TTC23L: variants seen among roughly 807,000 people sequenced by gnomAD.
TTC23L encodes tetratricopeptide repeat domain 23 like, also known as tetratricopeptide repeat protein 23-like.
A neutral mutation model predicts 48.1 loss-of-function variants in TTC23L; 42 were observed. The observed-to-expected ratio is 0.87, with a 90% CI of 0.68 to 1.13. The LOEUF (loss-of-function observed/expected upper bound fraction) is 1.13. Among genes scored for constraint, TTC23L ranks in the 50% most tolerant of loss-of-function variants. The pLI is 0.00. For synonymous variants in TTC23L, 159 were observed against 157.2 expected, an observed-to-expected ratio of 1.01 and a Z score of -0.09; for missense variants, 391 against 421.0, an observed-to-expected ratio of 0.93 and a Z score of 0.62.
the TTC23L span, chr5:34,922,021 T>G: frequency 9.2e-6 from 3 of 324,772 alleles, no homozygotes; most frequent in African/African-American, 6.5e-5. Flanking sequence ...GGGCAGAGCA[T>G]CTAGTTTACC....
downstream of TTC23L, among the ~76,000 whole-genome samples, chr5:34,900,354 GC>G (rs1763474820): frequency 1.3e-5 from 2 of 152,030 alleles, no homozygotes; most frequent in South Asian, 4.2e-4. Context: ...ATGATAAGGG[GC>G]CAAGTGTGGT....
the TTC23L span, chr5:34,918,679 T>C: frequency 6.6e-6 from 3 of 452,118 alleles, no homozygotes; most frequent in East Asian, 1.1e-4. Context: ...CTTTACTTTT[T>C]AAAACAGGTG....
intron 2 of TTC23L, among the ~76,000 whole-genome samples, chr5:34,844,517 A>G (rs1758956380): frequency 6.7e-6 from 1 of 149,436 alleles, no homozygotes; most frequent in African/African-American, 2.5e-5. Context: ...TTTTTATTTA[A>G]ACATTGAACA....
the TTC23L span, chr5:34,914,401 A>G: frequency 2.6e-6 from 1 of 379,214 alleles, no homozygotes; most frequent in Non-Finnish European, 4.8e-6. Context: ...AAGTTAAACA[A>G]TAAGAAGACT....
At chr5:34,895,670 G>A (rs954052319) in intron 9 of TTC23L, among the ~76,000 whole-genome samples, 5 of 152,156 alleles carry the variant, frequency 3.3e-5, no homozygotes, top group African/African-American at 1.2e-4. Context: ...TTGGTCATAT[G>A]AACAAAATGG....
chr5:34,867,193 G>C (rs1761122860), intron 7 of TTC23L, 124 bp downstream of exon 7: 6 of 1,057,356 alleles, frequency 5.7e-6, no homozygotes, highest in Non-Finnish European at 7.0e-6. Context: ...TTTTAACCCT[G>C]ACTTTCCTCC....
At chr5:34,897,638 T>A (rs187716318) in intron 10 of TTC23L, among the ~76,000 whole-genome samples, 42 of 152,292 alleles carry the variant, frequency 2.8e-4, no homozygotes, top group Non-Finnish European at 7.4e-5. Context: ...ATCAGTTTTT[T>A]AGAAACCATT....
chr5:34,919,874 G>A, the TTC23L span: 5 of 1,186,044 alleles, frequency 4.2e-6, no homozygotes, highest in Admixed American at 8.4e-5. Context: ...AGCTATTTGT[G>A]ATTAACGAGG....
chr5:34,863,620 T>G lies in TTC23L; in HGVS notation c.536+566T>G, dbSNP rs1760837355. On this transcript the variant is annotated intron_variant, in intron 5 of 10. Transcript: ENST00000505624. This position sits in a 1 kb window ranked among gnomAD's most constrained non-coding sequence, Gnocchi z 4.1. Reference sequence around the variant, plus strand: ...TTAACTGATTCTCGATCATTTTAGTTTTTTGAAATGCTCTTGTGGATACTG... The same window carrying G: ...TTAACTGATTCTCGATCATTTTAGTGTTTTGAAATGCTCTTGTGGATACTG... Among the ~76,000 whole-genome samples the G allele has an allele frequency of 6.6e-6, 1 of 152,200 alleles. No individual in the cohort carries two copies.
exon 7 of TTC23L, chr5:34,867,046 C>G: frequency 6.2e-7 from 1 of 1,611,310 alleles, no homozygotes; most frequent in Non-Finnish European, 8.5e-7. Flanking sequence ...GAACCACAAC[C>G]AGGCCATCCA....
chr5:34,853,647 T>C (rs1759872606), intron 4 of TTC23L, among the ~76,000 whole-genome samples: 1 of 152,128 alleles, frequency 6.6e-6, no homozygotes, highest in South Asian at 2.1e-4. Context: ...GGAGGACCCG[T>C]GTCATCAAAG....
chr5:34,885,537 G>T lies in TTC23L; in HGVS notation c.1077+5229G>T, dbSNP rs540423934. Among the ~76,000 whole-genome samples, 8 of 152,222 alleles carry T rather than the reference G, an allele frequency of 5.3e-5. 1 individual carries two copies. The highest frequency in any genetic ancestry group is 1.9e-4 in the African/African-American group (8 of 41,518). ...AGGCAGGAGGATCACTTGAGCCCAG[G>T]AGTTCATGACCAACCTGGGAAACAT... On this transcript the variant is annotated intron_variant, in intron 9 of 10. Coordinates refer to ENST00000505624, the Ensembl canonical transcript of TTC23L.
At chr5:34,910,970 G>C in the TTC23L span, among the ~76,000 whole-genome samples, 1 of 152,162 alleles carries the variant, frequency 6.6e-6, no homozygotes, top group African/African-American at 2.4e-5. Flanking sequence ...AGCCAGCCTT[G>C]AGCAATCCTC....
At chr5:34,886,691 G>A (rs1251985014) in intron 9 of TTC23L, among the ~76,000 whole-genome samples, 1 of 152,060 alleles carries the variant, frequency 6.6e-6, no homozygotes, top group Non-Finnish European at 1.5e-5. Flanking sequence ...CTCTTTTTAA[G>A]TGATGTGTTA....
chr5:34,911,502 G>A, the TTC23L span: 2 of 1,568,374 alleles, frequency 1.3e-6, no homozygotes, highest in Non-Finnish European at 1.7e-6. Flanking sequence ...ATGTCTAAGT[G>A]GGAAGATGGA....
At chr5:34,848,839 G>A (rs1759438715) in intron 3 of TTC23L, among the ~76,000 whole-genome samples, 1 of 152,190 alleles carries the variant, frequency 6.6e-6, no homozygotes, top group African/African-American at 2.4e-5. Context: ...CAGAGCCTTG[G>A]AAGCCATGGT....
the TTC23L span, chr5:34,915,600 C>A: frequency 8.7e-7 from 1 of 1,151,844 alleles, no homozygotes; most frequent in African/African-American, 1.6e-5. Context: ...TGCCGCGCCA[C>A]CGAGACCGGA....
At chr5:34,889,728 A>G (rs762492961) in intron 9 of TTC23L, among the ~76,000 whole-genome samples, 2 of 152,222 alleles carry the variant, frequency 1.3e-5, no homozygotes, top group Non-Finnish European at 2.9e-5. Context: ...AACTGTAAAA[A>G]TATTAATAAC....
chr5:34,869,766 T>C (rs1761319689), intron 8 of TTC23L: 1 of 152,222 alleles, frequency 6.6e-6, no homozygotes, highest in Non-Finnish European at 1.5e-5. Flanking sequence ...GGGACAGAAT[T>C]ATAGAGAAAG....
Sources: gnomAD v4.1 joint callset for allele counts (sites outside exome capture counted in the v4.1 genomes callset) on GRCh38, gnomAD v4.1.1 for gene constraint, Gnocchi (gnomAD v3.1) non-coding constraint, MANE v1.5 for transcripts, NCBI Gene and HGNC (gene_info 2026-07-23, HGNC 2026-07-21) for gene names.